Variants in DPP3 observed in about 807,000 individuals in gnomAD.
DPP3 encodes dipeptidyl peptidase 3, also known as DPP III.
In DPP3, 64 loss-of-function variants were observed where a neutral mutation model predicts 89.8. That is an observed-to-expected ratio of 0.71 (90% CI 0.58 to 0.88). The LOEUF (loss-of-function observed/expected upper bound fraction) is 0.88. DPP3 is among the 40% of genes least tolerant of loss of function. The pLI is 0.00. For synonymous variants in DPP3, 377 were observed against 404.3 expected (o/e 0.93, Z 0.81); for missense variants, 835 against 972.5 (o/e 0.86, Z 1.88).
intron 15 of DPP3, among the ~76,000 whole-genome samples, chr11:66,496,340 G>A (rs998708135): frequency 2.0e-5 from 3 of 152,186 alleles, no homozygotes; most frequent in Non-Finnish European, 2.9e-5. Flanking sequence ...TCCGCCTCCC[G>A]GGTTCAAGCA....
intron 12 of DPP3, among the ~76,000 whole-genome samples, chr11:66,494,498 C>T (rs909608236): frequency 6.6e-6 from 1 of 152,214 alleles, no homozygotes; most frequent in African/African-American, 2.4e-5. Context: ...CTTCACCGAG[C>T]CTCAGTTGGC....
At position 66,493,073 on chromosome 11, in the gene DPP3, A is replaced by G. The variant is rs759507869; in HGVS notation, c.1190A>G (p.Asp397Gly). ...CCTTCTCCACCTTCTCCAGACGATG[A>G]TCTGAGGCAGACGGAAGGCTTTAAG... The part of the protein sequence containing the change: ...PAGINIPNYD[D>G]LRQTEGFKNV... Residue 397 changes from aspartate to glycine, a missense_variant, in exon 11 of 18, where the codon GAT becomes GGT. Physicochemically the swap from Asp to Gly is moderately conservative, Grantham distance 94. Coordinates refer to ENST00000531863, the MANE Select transcript of DPP3 (RefSeq NM_130443.4). 1.9e-6 allele frequency: 3 copies of G among 1,614,000 alleles called. No individual in the cohort carries two copies. Among genetic ancestry groups the G allele is most frequent in the South Asian group, 1.1e-5 (1 of 91,074 alleles).
In DPP3 at chr11:66,500,261, G is replaced by A. The variant is rs1855646879; in HGVS notation, c.1878+2784G>A. ...CCCAGCTACTCAGGAGGCTAAGGCA[G>A]GAGAATTGCTCAAACCTGGAAGGTG... On this transcript the variant is annotated intron_variant, in intron 16 of 17. Coordinates refer to ENST00000531863, the MANE Select transcript of DPP3 (RefSeq NM_130443.4). 2.0e-5 allele frequency among the ~76,000 whole-genome samples: 3 copies of A among 152,030 alleles called. No individual in the cohort carries two copies. The South Asian group carries it at 6.2e-4, about 32-fold the overall frequency.
chr11:66,501,161 C>G (rs901391169), intron 16 of DPP3, among the ~76,000 whole-genome samples: 2 of 149,864 alleles, frequency 1.3e-5, no homozygotes, highest in African/African-American at 4.9e-5. Flanking sequence ...AACTCCGGCC[C>G]AAGCGACAGA....
intron 4 of DPP3, 66 bp from the exon 5 acceptor site, chr11:66,487,202 T>C: frequency 4.0e-6 from 6 of 1,512,446 alleles, no homozygotes; most frequent in Non-Finnish European, 5.5e-6. Flanking sequence ...AGCCTGGGAA[T>C]ATGACGTCCC....
rs550701328 is a variant in DPP3, at chr11:66,488,022, A to G, written c.667+15A>G. 318 of 1,612,314 alleles carry G rather than the reference A, an allele frequency of 2.0e-4. 3 individuals carry two copies. The South Asian group carries it at 2.9e-3, about 15-fold the overall frequency. On this transcript the variant is annotated intron_variant, in intron 6 of 17. Transcript: ENST00000531863. Reference sequence around the variant, plus strand: ...GCTTGGCTCAGGTGAGCTTAGCCCCAGGCTTCCCTTCTGCTCCCTCCTGGG... The same window carrying G: ...GCTTGGCTCAGGTGAGCTTAGCCCCGGGCTTCCCTTCTGCTCCCTCCTGGG...
intron 6 of DPP3, 21 bp downstream of exon 6, chr11:66,488,028 C>T (rs1239728733): frequency 6.8e-6 from 11 of 1,609,732 alleles, no homozygotes; most frequent in Non-Finnish European, 9.3e-6. Context: ...CCCCAGGCTT[C>T]CCTTCTGCTC....
chr11:66,498,643 C>G (rs1286983922), intron 16 of DPP3, among the ~76,000 whole-genome samples: 2 of 152,162 alleles, frequency 1.3e-5, no homozygotes, highest in South Asian at 4.1e-4. Context: ...GAAACAGCCC[C>G]AGAGAGAAGG....
At position 66,491,570 on chromosome 11, in the gene DPP3, C is replaced by A; in HGVS notation, c.875C>A (p.Ala292Asp). The A allele has an allele frequency of 1.9e-6, 3 of 1,613,892 alleles. No individual in the cohort carries two copies. The highest frequency in any genetic ancestry group is 2.5e-6 in the Non-Finnish European group (3 of 1,179,906). ...AGCTTCACCCAGGGCTCCATCGAGG[C>A]CCACAAGAGGGGCTCCCGCTTCTGG... is the stretch of plus-strand genomic sequence containing the variant. Reference protein sequence around the residue: ...IESFTQGSIEAHKRGSRFWIQ... With the variant: ...IESFTQGSIEDHKRGSRFWIQ... The change falls in exon 8 of 18, where the codon GCC (alanine) becomes GAC (aspartate). Residue 292 changes from alanine (A) to aspartate (D), a missense_variant. Transcript: ENST00000531863.
intron 17 of DPP3, among the ~76,000 whole-genome samples, chr11:66,508,616 G>A (rs1047120680): frequency 1.3e-5 from 2 of 152,210 alleles, no homozygotes; most frequent in Middle Eastern, 3.4e-3. Context: ...TCTGCCACCC[G>A]GGTTCAAGCA....
In DPP3 at chr11:66,509,315, G is replaced by A. The variant is rs1459267162; in HGVS notation, c.*64G>A. On this transcript the variant is annotated 3_prime_UTR_variant, in exon 18 of 18. Transcript: ENST00000531863. ...AGGCTGCAAGTGGCCCTCCATTCGT[G>A]TGTGTATTTAGGGGCTGGGGAGGGG... is the stretch of plus-strand genomic sequence containing the variant. 1 of 1,556,094 alleles carries A rather than the reference G, an allele frequency of 6.4e-7. No homozygotes were observed. Among genetic ancestry groups the A allele is most frequent in the Non-Finnish European group, 8.7e-7 (1 of 1,149,422 alleles).
intron 1 of DPP3, among the ~76,000 whole-genome samples, chr11:66,481,852 T>C (rs1439351086): frequency 6.6e-6 from 1 of 152,144 alleles, no homozygotes; most frequent in South Asian, 2.1e-4. Flanking sequence ...TTCACCATGT[T>C]GGTCAGGCTG....
rs756428183 is a variant in DPP3, at chr11:66,482,271, G to A, written c.71G>A (p.Arg24His). 7.4e-6 allele frequency: 12 copies of A among 1,613,986 alleles called. No homozygotes were observed. Among genetic ancestry groups the A allele is most frequent in the African/African-American group, 4.0e-5 (3 of 74,910 alleles). Residue 24 changes from arginine to histidine, a missense_variant, in exon 2 of 18, where the codon CGC becomes CAC. Coordinates refer to ENST00000531863, the MANE Select transcript of DPP3 (RefSeq NM_130443.4). Reference protein sequence around the residue: ...VSSLDCREAFRLLSPTERLYA... With the variant: ...VSSLDCREAFHLLSPTERLYA... The stretch of plus-strand genomic sequence containing the variant: ...AGCCTGGACTGCCGTGAGGCCTTCC[G>A]CCTGCTGTCACCCACAGAGCGCCTC...
intron 2 of DPP3, among the ~76,000 whole-genome samples, chr11:66,484,522 C>A (rs776152020): frequency 6.6e-6 from 1 of 152,078 alleles, no homozygotes; most frequent in East Asian, 1.9e-4. Flanking sequence ...TACAGAGGCT[C>A]TTTGCCAATG....
intron 3 of DPP3, among the ~76,000 whole-genome samples, chr11:66,485,910 A>G (rs1228054441): frequency 7.2e-6 from 1 of 138,426 alleles, no homozygotes; most frequent in Non-Finnish European, 1.5e-5. Context: ...CACACCAGCT[A>G]AATTTTCTTT....
intron 16 of DPP3, among the ~76,000 whole-genome samples, chr11:66,500,312 C>T (rs1469466012): frequency 6.6e-6 from 1 of 152,136 alleles, no homozygotes; most frequent in Non-Finnish European, 1.5e-5. Context: ...CAAGATCATG[C>T]CACTGCACTC....
At chr11:66,501,180 C>G (rs1181169021) in intron 16 of DPP3, among the ~76,000 whole-genome samples, 1 of 148,980 alleles carries the variant, frequency 6.7e-6, no homozygotes, top group African/African-American at 2.5e-5. Context: ...GAGTGAGACT[C>G]TGTCTCAAAA....
intron 3 of DPP3, among the ~76,000 whole-genome samples, chr11:66,485,631 G>T (rs889720509): frequency 6.6e-6 from 1 of 152,216 alleles, no homozygotes; most frequent in East Asian, 1.9e-4. Flanking sequence ...CCTATCTCGG[G>T]CAGAGGTGGT....
chr11:66,495,775 G>A (rs1855522024), intron 15 of DPP3, 25 bp downstream of exon 15: 1 of 1,581,786 alleles, frequency 6.3e-7, no homozygotes, highest in Non-Finnish European at 8.6e-7. Context: ...GAGCCCCCTG[G>A]AGGCGGAAGG....
Sources: allele counts gnomAD v4.1 joint callset (sites outside exome capture counted in the v4.1 genomes callset), GRCh38; gene constraint gnomAD v4.1.1; transcripts MANE v1.5; gene names NCBI Gene and HGNC (gene_info 2026-07-23, HGNC 2026-07-21).